The following STRN3 variants were observed in gnomAD, a reference collection of about 807,000 sequenced individuals.
STRN3 encodes the protein striatin-3.
A neutral mutation model predicts 95.6 loss-of-function variants in STRN3; 29 were observed. That is an observed-to-expected ratio of 0.30 (90% CI 0.23 to 0.41). STRN3 has a LOEUF of 0.41. Among genes scored for constraint, STRN3 ranks in the 10% least tolerant of loss-of-function variants. The pLI is 1.00. For synonymous variants in STRN3, 331 were observed against 357.6 expected, an observed-to-expected ratio of 0.93 and a Z score of 0.84; for missense variants, 890 against 972.1, an observed-to-expected ratio of 0.92 and a Z score of 1.12.
At chr14:30,955,572 T>C (rs751390276) in intron 3 of STRN3, 48 bp downstream of exon 3, 1 of 1,482,346 alleles carries the variant, frequency 6.7e-7, no homozygotes, top group South Asian at 1.3e-5. Context: ...GTCTGTTACA[T>C]AAAAAATGAA....
At chr14:31,022,864 T>C (rs894881045) in intron 1 of STRN3, among the ~76,000 whole-genome samples, 2 of 152,192 alleles carry the variant, frequency 1.3e-5, no homozygotes, top group Non-Finnish European at 2.9e-5. Flanking sequence ...GCTGATTAAA[T>C]GGCAGTTTCT....
intron 1 of STRN3, among the ~76,000 whole-genome samples, chr14:30,986,413 A>G (rs907277482): frequency 2.6e-5 from 4 of 152,268 alleles, no homozygotes; most frequent in Admixed American, 6.5e-5. Context: ...AAATGCCTTC[A>G]AGAACTCAAG....
At position 30,895,133 on chromosome 14, in the gene STRN3, G is replaced by C. The variant is rs117866718; in HGVS notation, c.*278C>G. 126 of 299,256 alleles carry C rather than the reference G, an allele frequency of 4.2e-4. 1 individual carries two copies. In the East Asian group the frequency reaches 6.8e-3, roughly 16 times the overall value. 18.5% of individuals were successfully genotyped at this position (299,256 alleles called of 1,614,324 possible). A position where few individuals can be genotyped will look rare whatever the true frequency, so the allele number is the denominator to read the frequency against. ...TTTTTGAAAGATCAGACTCCACATT[G>C]GCTTAAAGACACCTAAAAACAGATA... is the stretch of plus-strand genomic sequence containing the variant. On this transcript the variant is annotated 3_prime_UTR_variant, in exon 18 of 18. Transcript: ENST00000357479.
chr14:31,010,840 A>G (rs1332682346), intron 1 of STRN3, among the ~76,000 whole-genome samples: 2 of 152,178 alleles, frequency 1.3e-5, no homozygotes, highest in African/African-American at 4.8e-5. Context: ...GGAGTTCGAG[A>G]CCAGCCTAGC....
At chr14:31,023,528 T>C (rs1426244761) in intron 1 of STRN3, among the ~76,000 whole-genome samples, 2 of 152,220 alleles carry the variant, frequency 1.3e-5, no homozygotes, top group East Asian at 3.8e-4. Flanking sequence ...CCTTAAGCTC[T>C]TCACGTTCTC....
At chr14:30,913,710 C>A in intron 9 of STRN3, 53 bp from the exon 10 acceptor site, 2 of 1,562,914 alleles carry the variant, frequency 1.3e-6, no homozygotes, top group Non-Finnish European at 1.7e-6. Context: ...CAGTACAAGA[C>A]AATATTGTGG....
chr14:30,934,655 T>G (rs948788495), intron 7 of STRN3, among the ~76,000 whole-genome samples: 1 of 152,180 alleles, frequency 6.6e-6, no homozygotes, highest in Non-Finnish European at 1.5e-5. Context: ...GTATCTTCAT[T>G]AAATTGTGCT....
At chr14:30,972,324 A>G (rs1037341595) in intron 1 of STRN3, among the ~76,000 whole-genome samples, 1 of 152,024 alleles carries the variant, frequency 6.6e-6, no homozygotes, top group Admixed American at 6.6e-5. Flanking sequence ...AAATTAGCCA[A>G]TCGGAATTAG....
At chr14:30,940,803 T>G (rs185625198) in intron 5 of STRN3, among the ~76,000 whole-genome samples, 1 of 152,230 alleles carries the variant, frequency 6.6e-6, no homozygotes, top group Non-Finnish European at 1.5e-5. Context: ...TAGTCCGACA[T>G]TGACCCTCTC....
chr14:30,930,340 T>C (rs888402715), intron 7 of STRN3, among the ~76,000 whole-genome samples: 2 of 152,136 alleles, frequency 1.3e-5, no homozygotes, highest in Non-Finnish European at 2.9e-5. Flanking sequence ...GCTAACAAGT[T>C]TTATAAGAGA....
chr14:30,967,185 AG>A (rs1398150502), intron 1 of STRN3, among the ~76,000 whole-genome samples: 1 of 136,864 alleles, frequency 7.3e-6, no homozygotes, highest in African/African-American at 2.7e-5. Context: ...CCACTCCCAC[AG>A]GTCCCTACCC....
In STRN3 at chr14:30,894,615, T is replaced by A. The variant is rs1896078203; in HGVS notation, c.*796A>T. 1 of 155,060 alleles carries A rather than the reference T, an allele frequency of 6.4e-6. No homozygotes were observed. Among genetic ancestry groups the A allele is most frequent in the Non-Finnish European group, 1.4e-5 (1 of 69,874 alleles). The allele number at this position is 155,060 out of a possible 1,614,324, so 9.6% of individuals were successfully genotyped here. ...TTTTAATACACTTAATAGTCCTTGG[T>A]TTATGAAGACATTTATGTGATGATG... On this transcript the variant is annotated 3_prime_UTR_variant, in exon 18 of 18. Coordinates refer to ENST00000357479, the MANE Select transcript of STRN3 (RefSeq NM_001083893.2).
chr14:31,009,359 T>A (rs576717049), intron 1 of STRN3, among the ~76,000 whole-genome samples: 2 of 152,112 alleles, frequency 1.3e-5, no homozygotes, highest in African/African-American at 4.8e-5. Flanking sequence ...CCCGTGCGTG[T>A]TTAGTAGCAT....
At chr14:31,000,842 GA>G (rs35776301) in intron 1 of STRN3, among the ~76,000 whole-genome samples, 68 of 146,976 alleles carry the variant, frequency 4.6e-4, no homozygotes, top group Middle Eastern at 3.6e-3. Context: ...AGCCGATGAA[GA>G]AAAAAAAAAA....
At chr14:30,963,218 C>G (rs781225012) in intron 1 of STRN3, among the ~76,000 whole-genome samples, 2 of 152,090 alleles carry the variant, frequency 1.3e-5, no homozygotes, top group Non-Finnish European at 2.9e-5. Flanking sequence ...TTCAATACCC[C>G]ACTCTAAATA....
At chr14:31,006,250 T>C (rs1365819266) in intron 1 of STRN3, among the ~76,000 whole-genome samples, 1 of 151,198 alleles carries the variant, frequency 6.6e-6, no homozygotes, top group Non-Finnish European at 1.5e-5. Flanking sequence ...ATAAAGGTAA[T>C]ACCACCCTTT....
intron 1 of STRN3, among the ~76,000 whole-genome samples, chr14:30,963,694 G>A (rs564340759): frequency 5.7e-4 from 87 of 152,280 alleles, no homozygotes; most frequent in African/African-American, 2.0e-3. Flanking sequence ...ACAGGCATGA[G>A]CCACCATGCT....
At chr14:30,936,381 A>T in intron 6 of STRN3, 114 bp downstream of exon 6, 1 of 1,233,830 alleles carries the variant, frequency 8.1e-7, no homozygotes, top group Non-Finnish European at 1.1e-6. Context: ...ACTTTTAACC[A>T]ATATGTAAAG....
At chr14:30,981,525 CAA>C (rs1311408101) in intron 1 of STRN3, among the ~76,000 whole-genome samples, 3 of 151,422 alleles carry the variant, frequency 2.0e-5, no homozygotes, top group African/African-American at 7.3e-5. Context: ...CCATATCACA[CAA>C]GAGTTTCAAA....
Sources: gnomAD v4.1 joint callset for allele counts (sites outside exome capture counted in the v4.1 genomes callset) on GRCh38, gnomAD v4.1.1 for gene constraint, MANE v1.5 for transcripts, NCBI Gene and HGNC (gene_info 2026-07-23, HGNC 2026-07-21) for gene names.